CNKSR3: variants seen among roughly 807,000 people sequenced by gnomAD.
CNKSR3 encodes CNKSR family member 3.
CNKSR3 carries 36 observed loss-of-function variants against 67.7 expected under a neutral mutation model. The observed-to-expected ratio is 0.53, with a 90% CI of 0.41 to 0.70. The LOEUF (loss-of-function observed/expected upper bound fraction) is 0.70, where lower values mean the gene tolerates loss of function less well. Ranked by LOEUF, CNKSR3 falls within the 30% of genes least tolerant of loss-of-function variation. CNKSR3 has a pLI of 0.00. For synonymous variants in CNKSR3, 281 were observed against 271.4 expected, an observed-to-expected ratio of 1.04 and a Z score of -0.35; for missense variants, 630 against 695.2, an observed-to-expected ratio of 0.91 and a Z score of 1.05.
At chr6:154,509,953 G>A in intron 1 of CNKSR3, 110 bp downstream of exon 1, 1 of 1,180,156 alleles carries the variant, frequency 8.5e-7, no homozygotes, top group Non-Finnish European at 1.3e-6. Flanking sequence ...ACCGGGCTGT[G>A]CCCTCACCGC....
At chr6:154,489,485 C>A (rs1455207210) in intron 1 of CNKSR3, among the ~76,000 whole-genome samples, 3 of 151,852 alleles carry the variant, frequency 2.0e-5, no homozygotes, top group African/African-American at 7.3e-5. Context: ...AAGCCGAGAT[C>A]CCACCACCGC....
chr6:154,428,383 A>C (rs1026535875), intron 6 of CNKSR3, among the ~76,000 whole-genome samples, 196 bp from the exon 7 acceptor site: 3 of 152,244 alleles, frequency 2.0e-5, no homozygotes, highest in Non-Finnish European at 4.4e-5. Context: ...TGGTGAAAGA[A>C]ATAAAACATG....
At chr6:154,463,915 T>C (rs1786137869) in intron 1 of CNKSR3, among the ~76,000 whole-genome samples, 1 of 152,118 alleles carries the variant, frequency 6.6e-6, no homozygotes, top group Non-Finnish European at 1.5e-5. Context: ...TTTCCCATCA[T>C]CAAACTAATC....
rs754512952 is a variant in CNKSR3 at position 154,406,377 on chromosome 6, G to A, written c.1645C>T (p.Arg549Cys). ...EPSLLVSWFT[R>C]LKLLTH ...TCTCAGTGAGTCAACAGTTTGAGGC[G>A]CGTAAACCAGCTGACCAGGAGGGAC... Residue 549 changes from arginine (R) to cysteine (C), a missense_variant, in exon 13 of 13, where the codon CGC becomes TGC. Arg to Cys is a radical substitution (Grantham distance 180, BLOSUM62 -3). Around this residue, in one of 3 missense-constraint regions of CNKSR3, gnomAD observed 308 missense variants for 299.6 expected, o/e 1.03. Transcript: ENST00000607772. The A allele has an allele frequency of 5.0e-6, 8 of 1,613,358 alleles. No homozygotes were observed. The highest frequency in any genetic ancestry group is 1.1e-5 in the South Asian group (1 of 91,012).
At chr6:154,430,665 A>T in intron 5 of CNKSR3, 74 bp from the exon 6 acceptor site, 1 of 1,393,312 alleles carries the variant, frequency 7.2e-7, no homozygotes, top group Non-Finnish European at 9.9e-7. Context: ...TTTTTAGAGA[A>T]ATGCATTTCA....
At chr6:154,477,118 A>G (rs544889073) in intron 1 of CNKSR3, among the ~76,000 whole-genome samples, 2 of 152,336 alleles carry the variant, frequency 1.3e-5, no homozygotes, top group Admixed American at 1.3e-4. Context: ...AGGACCTAAA[A>G]AAACCTATTT....
Position 154,404,115 on chromosome 6 carries a change from CCTGTGGTCACACA to C in CNKSR3, c.*2226_*2238del, listed in dbSNP as rs1784746772. The stretch of plus-strand genomic sequence containing the variant: ...CCCACCCTCCTAGTGTGTTGAACAC[CCTGTGGTCACACA>C]CTGCAAGCCTCTTCTCTCCATCTGC... On this transcript the variant is annotated 3_prime_UTR_variant, in exon 13 of 13. Coordinates refer to ENST00000607772, the MANE Select transcript of CNKSR3 (RefSeq NM_173515.4). 6.6e-6 allele frequency: 1 copy of C among 152,310 alleles called. No homozygotes were observed. The highest frequency in any genetic ancestry group is 6.5e-5 in the Admixed American group (1 of 15,280). 9.4% of individuals were successfully genotyped at this position (152,310 alleles called of 1,614,324 possible). A position where few individuals can be genotyped will look rare whatever the true frequency, so the allele number is the denominator to read the frequency against.
chr6:154,389,163 C>T lies in CNKSR3; in HGVS notation c.*17191G>A, dbSNP rs1485008158. On this transcript the variant is annotated 3_prime_UTR_variant, in exon 13 of 13. Coordinates refer to ENST00000607772, the MANE Select transcript of CNKSR3 (RefSeq NM_173515.4). ...GGGGTCATATCCATGAAATCATTGA[C>T]AAGACCAATGTCAAAGAGCTTTTCG... The T allele has an allele frequency of 6.6e-6, 1 of 152,148 alleles. No homozygotes were observed. Among genetic ancestry groups the T allele is most frequent in the African/African-American group, 2.4e-5 (1 of 41,442 alleles). The allele number at this position is 152,148 out of a possible 1,614,324, so 9.4% of individuals were successfully genotyped here. A position where few individuals can be genotyped will look rare whatever the true frequency, so the allele number is the denominator to read the frequency against.
intron 1 of CNKSR3, among the ~76,000 whole-genome samples, chr6:154,484,948 T>C (rs1420764734): frequency 6.6e-6 from 1 of 152,192 alleles, no homozygotes; most frequent in Non-Finnish European, 1.5e-5. Flanking sequence ...CCTCCCTGTC[T>C]CAGGCCTTTG....
chr6:154,505,962 A>G (rs557025254), intron 1 of CNKSR3, among the ~76,000 whole-genome samples: 1 of 152,318 alleles, frequency 6.6e-6, no homozygotes, highest in African/African-American at 2.4e-5. Context: ...TTTGACAATG[A>G]AATTTCTCAT....
rs368071985 is a variant in CNKSR3, at chr6:154,491,519, G to T, written c.52+18544C>A. 4.6e-5 allele frequency among the ~76,000 whole-genome samples: 7 copies of T among 152,290 alleles called. No individual in the cohort carries two copies. In the South Asian group the frequency reaches 1.5e-3, roughly 32 times the overall value. On this transcript the variant is annotated intron_variant, in intron 1 of 12. Transcript: ENST00000607772. ...TGAATGTTTCAGATAAATCTTAAAA[G>T]ATATAAAGGTAAATACTTAATAACA...
Position 154,402,471 on chromosome 6 carries a change from A to C in CNKSR3, c.*3883T>G, listed in dbSNP as rs1208998736. The C allele has an allele frequency of 6.6e-6, 1 of 152,228 alleles. No individual in the cohort carries two copies. Among genetic ancestry groups the C allele is most frequent in the African/African-American group, 2.4e-5 (1 of 41,466 alleles). 9.4% of individuals were successfully genotyped at this position (152,228 alleles called of 1,614,324 possible). A position where few individuals can be genotyped will look rare whatever the true frequency, so the allele number is the denominator to read the frequency against. On this transcript the variant is annotated 3_prime_UTR_variant, in exon 13 of 13. Transcript: ENST00000607772. ...GAATTCTATAAATGGAAGGAAGCCT[A>C]TATACTGAGTGATTATGAGCAAGAA...
intron 9 of CNKSR3, among the ~76,000 whole-genome samples, chr6:154,421,881 C>T (rs1007987336): frequency 2.6e-5 from 4 of 152,016 alleles, no homozygotes; most frequent in South Asian, 4.1e-4. Flanking sequence ...TGAAAATGTC[C>T]GTATCCACAC....
intron 7 of CNKSR3, 95 bp from the exon 8 acceptor site, chr6:154,423,078 G>T: frequency 1.2e-6 from 1 of 802,156 alleles, no homozygotes; most frequent in Non-Finnish European, 2.0e-6. Flanking sequence ...ATTAGCAACT[G>T]AAATAACATT....
chr6:154,500,621 G>A (rs1362582077), intron 1 of CNKSR3, among the ~76,000 whole-genome samples: 1 of 152,136 alleles, frequency 6.6e-6, no homozygotes, highest in Non-Finnish European at 1.5e-5. Context: ...CCCAGCTCTT[G>A]TTGAAAATTT....
At chr6:154,485,608 T>C (rs7762516) in intron 1 of CNKSR3, among the ~76,000 whole-genome samples, 46,581 of 152,148 alleles carry the variant, frequency 0.31, 7,870 homozygotes, top group African/African-American at 0.44. Flanking sequence ...CTGTTCTTAA[T>C]ACGAACAGCG....
At chr6:154,441,427 G>A (rs886431802) in intron 3 of CNKSR3, 48 bp from the exon 4 acceptor site, 13 of 1,367,190 alleles carry the variant, frequency 9.5e-6, no homozygotes, top group South Asian at 7.0e-5. Flanking sequence ...GAGAATCCAC[G>A]GGGATCCCAC....
chr6:154,425,527 C>G (rs548446314), intron 7 of CNKSR3, among the ~76,000 whole-genome samples: 1 of 152,300 alleles, frequency 6.6e-6, no homozygotes, highest in African/African-American at 2.4e-5. Context: ...GGGTCATGAC[C>G]TAGAGAATAA....
chr6:154,479,103 G>A (rs1786512834), intron 1 of CNKSR3, among the ~76,000 whole-genome samples: 1 of 151,402 alleles, frequency 6.6e-6, no homozygotes, highest in East Asian at 1.9e-4. Context: ...TAAAAACACA[G>A]CCTATACCCC....
Sources: gnomAD v4.1 joint callset for allele counts (sites outside exome capture counted in the v4.1 genomes callset) on GRCh38, gnomAD v4.1.1 for gene constraint, gnomAD v4.1.1 regional missense constraint, MANE v1.5 for transcripts, NCBI Gene and HGNC (gene_info 2026-07-23, HGNC 2026-07-21) for gene names.